The following SESN3 variants were observed in gnomAD, a reference collection of about 807,000 sequenced individuals.
The protein encoded by SESN3 is sestrin-3.
Under a neutral mutation model 55.3 loss-of-function variants are expected in SESN3, and 21 were observed. The ratio of observed to expected loss-of-function variants is 0.38; its 90% CI spans 0.27 to 0.55. The LOEUF (loss-of-function observed/expected upper bound fraction) is 0.55, where lower values mean the gene tolerates loss of function less well. Among genes scored for constraint, SESN3 ranks in the 20% least tolerant of loss-of-function variants. The pLI, the probability that SESN3 is intolerant of heterozygous loss-of-function variation, is 0.76. For synonymous variants in SESN3, 181 were observed against 203.1 expected (o/e 0.89, Z 0.93); for missense variants, 408 against 604.3 (o/e 0.68, Z 3.41).
intron 6 of SESN3, among the ~76,000 whole-genome samples, chr11:95,183,388 T>A (rs1379348164): frequency 1.3e-5 from 2 of 152,160 alleles, no homozygotes; most frequent in East Asian, 3.8e-4. Flanking sequence ...AGGGTTCTTG[T>A]TCTTCCTGGT....
intron 1 of SESN3, among the ~76,000 whole-genome samples, chr11:95,193,873 T>C (rs539116317): frequency 6.6e-6 from 1 of 152,206 alleles, no homozygotes; most frequent in African/African-American, 2.4e-5. Context: ...AGACATCAAT[T>C]TGAAAACTAA....
intron 1 of SESN3, among the ~76,000 whole-genome samples, chr11:95,218,046 C>T (rs1380411264): frequency 6.6e-6 from 1 of 152,208 alleles, no homozygotes; most frequent in African/African-American, 2.4e-5. Context: ...CAGGTACCAC[C>T]TTTGTCCCCT....
intron 9 of SESN3, 90 bp from the exon 10 acceptor site, chr11:95,173,431 TA>T: frequency 2.2e-5 from 15 of 675,842 alleles, no homozygotes; most frequent in Non-Finnish European, 3.8e-5. Context: ...TATGTGTATA[TA>T]AGCAATATAC....
At chr11:95,197,532 C>A (rs1189546879) in intron 1 of SESN3, among the ~76,000 whole-genome samples, 1 of 151,668 alleles carries the variant, frequency 6.6e-6, no homozygotes, top group East Asian at 1.9e-4. Context: ...GCAACCTCTG[C>A]CTCCCGGGCT....
chr11:95,209,764 C>T (rs981790403), intron 1 of SESN3, among the ~76,000 whole-genome samples: 1 of 151,090 alleles, frequency 6.6e-6, no homozygotes, highest in African/African-American at 2.4e-5. Context: ...CACCTGTAAT[C>T]TCAGCACTTT....
chr11:95,231,482 A>G (rs1189634657), upstream of SESN3: 1 of 220,180 alleles, frequency 4.5e-6, no homozygotes, highest in Non-Finnish European at 8.9e-6. Flanking sequence ...TGCCAATAAG[A>G]GGACGAGGGT....
chr11:95,188,358 A>G (rs930244302), intron 4 of SESN3, among the ~76,000 whole-genome samples: 1 of 151,868 alleles, frequency 6.6e-6, no homozygotes, highest in African/African-American at 2.4e-5. Context: ...GAAGAATGAG[A>G]TGAGAATATA....
At chr11:95,194,018 G>A (rs1249423884) in intron 1 of SESN3, among the ~76,000 whole-genome samples, 2 of 152,010 alleles carry the variant, frequency 1.3e-5, no homozygotes, top group Non-Finnish European at 2.9e-5. Flanking sequence ...GTAAAAATTA[G>A]AGAAGGAGAG....
In SESN3 at chr11:95,178,843, G is replaced by C. The variant is rs1860008255; in HGVS notation, c.938-15C>G. On this transcript the variant is annotated splice_polypyrimidine_tract_variant and intron_variant, in intron 6 of 9. Coordinates refer to ENST00000536441, the MANE Select transcript of SESN3 (RefSeq NM_144665.4). ...ATCCTCAAAATCTAAGGACAATAAT[G>C]AACAATCTAGTGTTAAGGATACTGT... is the stretch of plus-strand genomic sequence containing the variant. 7.1e-7 allele frequency: 1 copy of C among 1,399,952 alleles called. No homozygotes were observed. Among genetic ancestry groups the C allele is most frequent in the Non-Finnish European group, 1.0e-6 (1 of 985,820 alleles). 86.7% of individuals were successfully genotyped at this position (1,399,952 alleles called of 1,614,324 possible).
chr11:95,205,936 A>G (rs957327329), intron 1 of SESN3, among the ~76,000 whole-genome samples: 1 of 152,110 alleles, frequency 6.6e-6, no homozygotes, highest in Non-Finnish European at 1.5e-5. Flanking sequence ...AGAGGAAGAA[A>G]GGCAAGATCT....
chr11:95,177,685 G>C (rs1365019686), intron 8 of SESN3, 34 bp downstream of exon 8: 2 of 1,523,180 alleles, frequency 1.3e-6, no homozygotes, highest in Non-Finnish European at 1.8e-6. Context: ...TTTTCACTTA[G>C]AAATGTAAAA....
chr11:95,221,535 TATTAATTAGCAGAGA>T (rs1336512139), intron 1 of SESN3, among the ~76,000 whole-genome samples: 2 of 152,190 alleles, frequency 1.3e-5, no homozygotes, highest in Non-Finnish European at 2.9e-5. Context: ...TACAAGTAGC[TATTAATTAGCAGAGA>T]ATAAAAAGAA....
chr11:95,230,670 G>A lies in SESN3; in HGVS notation c.78+113C>T. 4.2e-6 allele frequency: 3 copies of A among 717,384 alleles called. No homozygotes were observed. The highest frequency in any genetic ancestry group is 7.0e-6 in the Non-Finnish European group (3 of 431,202). 44.4% of individuals were successfully genotyped at this position (717,384 alleles called of 1,614,324 possible). A position where few individuals can be genotyped will look rare whatever the true frequency, so the allele number is the denominator to read the frequency against. On this transcript the variant is annotated intron_variant, in intron 1 of 9. Coordinates refer to ENST00000536441, the MANE Select transcript of SESN3 (RefSeq NM_144665.4). This position sits in a 1 kb window ranked among gnomAD's most constrained non-coding sequence, Gnocchi z 4.6. ...CCTTTCTCAGTCCCTGCGGAGGGAC[G>A]GTGCCCGGGGATCCCTCTCAGCCTC...
Position 95,230,987 on chromosome 11 carries a change from A to G in SESN3, c.-127T>C. The G allele has an allele frequency of 1.8e-6, 1 of 548,488 alleles. No individual in the cohort carries two copies. Among genetic ancestry groups the G allele is most frequent in the Non-Finnish European group, 3.0e-6 (1 of 337,814 alleles). 34.0% of individuals were successfully genotyped at this position (548,488 alleles called of 1,614,324 possible). On this transcript the variant is annotated 5_prime_UTR_variant, in exon 1 of 10. Transcript: ENST00000536441. This position sits in a 1 kb window ranked among gnomAD's most constrained non-coding sequence, Gnocchi z 4.6. The stretch of plus-strand genomic sequence containing the variant: ...TCCGCCTCAGCCTCCTCAAGGCGGG[A>G]TGTCGGGAGGAGAGGCGACTGCCTG...
intron 1 of SESN3, among the ~76,000 whole-genome samples, chr11:95,202,102 A>C (rs543103730): frequency 1.3e-5 from 2 of 152,168 alleles, no homozygotes; most frequent in African/African-American, 4.8e-5. Context: ...AGGTTCAGTT[A>C]TATTGTTTCT....
In SESN3 at chr11:95,230,692, CCTCCCCCAGTG is replaced by C; in HGVS notation, c.78+80_78+90del. ...GACGGTGCCCGGGGATCCCTCTCAG[CCTCCCCCAGTG>C]CGCGCCCGGGGACGAGCCGCCCGAG... On this transcript the variant is annotated intron_variant, in intron 1 of 9. Coordinates refer to ENST00000536441, the MANE Select transcript of SESN3 (RefSeq NM_144665.4). This position sits in a 1 kb window ranked among gnomAD's most constrained non-coding sequence, Gnocchi z 4.6. 1 of 901,764 alleles carries C rather than the reference CCTCCCCCAGTG, an allele frequency of 1.1e-6. No individual in the cohort carries two copies. The highest frequency in any genetic ancestry group is 1.4e-5 in the South Asian group (1 of 69,904). 55.9% of individuals were successfully genotyped at this position (901,764 alleles called of 1,614,324 possible).
At chr11:95,211,309 T>A (rs1860650815) in intron 1 of SESN3, among the ~76,000 whole-genome samples, 1 of 152,228 alleles carries the variant, frequency 6.6e-6, no homozygotes, top group Non-Finnish European at 1.5e-5. Flanking sequence ...ATGTGACTAA[T>A]AAACCACTGT....
intron 4 of SESN3, among the ~76,000 whole-genome samples, chr11:95,186,770 G>A (rs1860175153): frequency 6.6e-6 from 1 of 151,634 alleles, no homozygotes; most frequent in African/African-American, 2.4e-5. Flanking sequence ...GTGATCTTAA[G>A]ACAAAAATAT....
At chr11:95,191,657 G>A (rs1204940231) in intron 2 of SESN3, 56 bp from the exon 3 acceptor site, 2 of 1,367,730 alleles carry the variant, frequency 1.5e-6, no homozygotes, top group African/African-American at 2.9e-5. Flanking sequence ...CACACCCTTG[G>A]TTTAAATAAA....
Sources: gnomAD v4.1 joint callset for allele counts (sites outside exome capture counted in the v4.1 genomes callset) on GRCh38, gnomAD v4.1.1 for gene constraint, Gnocchi (gnomAD v3.1) non-coding constraint, MANE v1.5 for transcripts, NCBI Gene and HGNC (gene_info 2026-07-23, HGNC 2026-07-21) for gene names.